PCDHGA1: variants seen among roughly 807,000 people sequenced by gnomAD.
PCDHGA1 encodes the protein protocadherin gamma subfamily A, 1, also known as protocadherin gamma-A1.
Under a neutral mutation model 58.0 loss-of-function variants are expected in PCDHGA1, and 32 were observed. The ratio of observed to expected loss-of-function variants is 0.55; its 90% CI spans 0.42 to 0.74. The LOEUF (loss-of-function observed/expected upper bound fraction) is 0.74, where lower values mean the gene tolerates loss of function less well. PCDHGA1 is among the 30% of genes least tolerant of loss of function. The probability of loss-of-function intolerance (pLI) is 0.00; values close to 1 mark genes in which losing one functional copy is unlikely to be tolerated. For synonymous variants in PCDHGA1, 498 were observed against 501.1 expected, an observed-to-expected ratio of 0.99 and a Z score of 0.08; for missense variants, 1,205 against 1,182.3, an observed-to-expected ratio of 1.02 and a Z score of -0.28.
At chr5:141,423,617 A>T (rs1426014397) in intron 1 of PCDHGA1, 3 of 1,608,486 alleles carry the variant, frequency 1.9e-6, no homozygotes, top group Admixed American at 1.7e-5. Flanking sequence ...ATAGCTGAAG[A>T]CTCAGCTATC....
chr5:141,362,383 T>C (rs781696906), intron 1 of PCDHGA1: 4 of 1,614,050 alleles, frequency 2.5e-6, no homozygotes, highest in Non-Finnish European at 2.5e-6. Context: ...TACATTGCCC[T>C]ATTCCTACAA....
chr5:141,414,290 T>G (rs781378958), intron 1 of PCDHGA1: 5 of 1,613,154 alleles, frequency 3.1e-6, no homozygotes, highest in Non-Finnish European at 4.2e-6. Context: ...GTCGTAGCCC[T>G]TTTAAATGTG....
At chr5:141,433,103 C>T (rs762225174) in intron 1 of PCDHGA1, 3 of 1,614,126 alleles carry the variant, frequency 1.9e-6, no homozygotes, top group Non-Finnish European at 2.5e-6. Flanking sequence ...GCTCGTCAGC[C>T]AGGAGAGCTT....
At chr5:141,373,411 T>C (rs1045675973) in intron 1 of PCDHGA1, among the ~76,000 whole-genome samples, 3 of 152,242 alleles carry the variant, frequency 2.0e-5, no homozygotes, top group Non-Finnish European at 2.9e-5. Flanking sequence ...TAGTCCCAGC[T>C]ACTCGGGAGG....
At chr5:141,413,501 G>A (rs772110374) in intron 1 of PCDHGA1, 1 of 1,614,040 alleles carries the variant, frequency 6.2e-7, no homozygotes, top group Non-Finnish European at 8.5e-7. Context: ...TGCGTGGTGA[G>A]TTTTAATATC....
intron 1 of PCDHGA1, among the ~76,000 whole-genome samples, chr5:141,468,798 G>A (rs895012127): frequency 7.9e-5 from 12 of 151,646 alleles, no homozygotes; most frequent in East Asian, 2.0e-4. Context: ...CCCGGGAGGC[G>A]GAACTTGCAG....
rs1240258760 is a variant in PCDHGA1 at position 141,423,933 on chromosome 5, GAAGT to G, written c.2422-70869_2422-70866del. On this transcript the variant is annotated intron_variant, in intron 1 of 3. Coordinates refer to ENST00000517417, the MANE Select transcript of PCDHGA1 (RefSeq NM_018912.3). The stretch of plus-strand genomic sequence containing the variant: ...CCATTCAACTATGCTGGTTTGGTTT[GAAGT>G]AAGTTGAATTTTAGTATTATTTTTC... 5 of 1,226,500 alleles carry G rather than the reference GAAGT, an allele frequency of 4.1e-6. No homozygotes were observed. The African/African-American group carries it at 7.9e-5, about 19-fold the overall frequency. The allele number at this position is 1,226,500 out of a possible 1,614,324, so 76.0% of individuals were successfully genotyped here. A position where few individuals can be genotyped will look rare whatever the true frequency, so the allele number is the denominator to read the frequency against.
chr5:141,355,972 G>A lies in PCDHGA1; in HGVS notation c.2421+22867G>A. ...AAGTGTTCGTGAGAACGTTCCTGTAGGCACTCGGCTACTCACCGTAAAAGC... is the reference window on the plus strand; with the variant it reads ...AAGTGTTCGTGAGAACGTTCCTGTAAGCACTCGGCTACTCACCGTAAAAGC... On this transcript the variant is annotated intron_variant, in intron 1 of 3. Coordinates refer to ENST00000517417, the MANE Select transcript of PCDHGA1 (RefSeq NM_018912.3). 1 of 1,613,860 alleles carries A rather than the reference G, an allele frequency of 6.2e-7. No homozygotes were observed. Among genetic ancestry groups the A allele is most frequent in the Non-Finnish European group, 8.5e-7 (1 of 1,179,866 alleles).
chr5:141,375,213 G>A (rs778646849), intron 1 of PCDHGA1: 9 of 1,613,810 alleles, frequency 5.6e-6, no homozygotes, highest in Non-Finnish European at 7.6e-6. Context: ...CGAGACTCTG[G>A]CCTGAATGGC....
rs1163396034 is a variant in PCDHGA1 at position 141,357,533 on chromosome 5, C to T, written c.2421+24428C>T. 6.8e-6 allele frequency: 11 copies of T among 1,614,076 alleles called. No homozygotes were observed. Among genetic ancestry groups the T allele is most frequent in the Non-Finnish European group, 9.3e-6 (11 of 1,180,036 alleles). ...TTCTCCCAACCCAGCTATGCAGACA[C>T]GCTCATCAGCCGGGAGAGTTGTGAG... is the stretch of plus-strand genomic sequence containing the variant. On this transcript the variant is annotated intron_variant, in intron 1 of 3. Transcript: ENST00000517417.
intron 1 of PCDHGA1, chr5:141,393,380 C>T (rs771237283): frequency 6.2e-7 from 1 of 1,613,988 alleles, no homozygotes; most frequent in South Asian, 1.1e-5. Context: ...ACAATGGAGC[C>T]ATAAACCCAG....
intron 1 of PCDHGA1, chr5:141,395,711 G>A (rs2093302364): frequency 1.3e-5 from 2 of 154,440 alleles, no homozygotes; most frequent in African/African-American, 4.8e-5. Context: ...CCTGTAACTA[G>A]GCTCTTGTAG....
chr5:141,490,804 T>C lies in PCDHGA1; in HGVS notation c.2422-4003T>C. On this transcript the variant is annotated intron_variant, in intron 1 of 3. Coordinates refer to ENST00000517417, the MANE Select transcript of PCDHGA1 (RefSeq NM_018912.3). This position sits in a 1 kb window ranked among gnomAD's most constrained non-coding sequence, Gnocchi z 5.4. The stretch of plus-strand genomic sequence containing the variant: ...TGGACGGATCTTTGCCCAGCGTACC[T>C]TTGACTATGAATTGCTGCAGATGCT... 2 of 1,613,854 alleles carry C rather than the reference T, an allele frequency of 1.2e-6. No homozygotes were observed. Among genetic ancestry groups the C allele is most frequent in the Non-Finnish European group, 1.7e-6 (2 of 1,179,816 alleles).
intron 1 of PCDHGA1, among the ~76,000 whole-genome samples, chr5:141,458,102 A>G (rs1314999618): frequency 6.6e-6 from 1 of 152,246 alleles, no homozygotes; most frequent in Admixed American, 6.5e-5. Context: ...GTACTTACAG[A>G]TAGTCTCCAA....
At chr5:141,454,774 G>A (rs1228452126) in intron 1 of PCDHGA1, among the ~76,000 whole-genome samples, 2 of 144,796 alleles carry the variant, frequency 1.4e-5, no homozygotes, top group African/African-American at 2.6e-5. Context: ...TTTTTACAAG[G>A]AAATAATCCT....
chr5:141,339,774 A>T (rs1175902242), intron 1 of PCDHGA1: 1 of 1,614,198 alleles, frequency 6.2e-7, no homozygotes, highest in Admixed American at 1.7e-5. Context: ...ACCGCCACTG[A>T]CGCAGATGAG....
chr5:141,482,510 T>A (rs2099563292), intron 1 of PCDHGA1, among the ~76,000 whole-genome samples: 3 of 121,012 alleles, frequency 2.5e-5, no homozygotes, highest in African/African-American at 3.5e-5. Context: ...GTACCCAGAG[T>A]ACAGTATGAG....
chr5:141,370,244 ACT>A, intron 1 of PCDHGA1: 2 of 633,826 alleles, frequency 3.2e-6, no homozygotes, highest in Non-Finnish European at 5.1e-6. Flanking sequence ...AGAAAAGTGC[ACT>A]CTCTATCAGG....
At chr5:141,449,471 G>T (rs1261821886) in intron 1 of PCDHGA1, among the ~76,000 whole-genome samples, 1 of 151,060 alleles carries the variant, frequency 6.6e-6, no homozygotes, top group African/African-American at 2.4e-5. Flanking sequence ...GCCAGGCCTG[G>T]TACCCCATGC....
Sources: gnomAD v4.1 joint callset for allele counts (sites outside exome capture counted in the v4.1 genomes callset) on GRCh38, gnomAD v4.1.1 for gene constraint, Gnocchi (gnomAD v3.1) non-coding constraint, MANE v1.5 for transcripts, NCBI Gene and HGNC (gene_info 2026-07-23, HGNC 2026-07-21) for gene names.